ALCAM: variants seen among roughly 807,000 people sequenced by gnomAD.
The protein encoded by ALCAM is CD166 antigen.
A neutral mutation model predicts 70.9 loss-of-function variants in ALCAM; 30 were observed. That is an observed-to-expected ratio of 0.42 (90% CI 0.32 to 0.57). The LOEUF (loss-of-function observed/expected upper bound fraction) is 0.57, where lower values mean the gene tolerates loss of function less well. Among genes scored for constraint, ALCAM ranks in the 20% least tolerant of loss-of-function variants. The pLI, the probability that ALCAM is intolerant of heterozygous loss-of-function variation, is 0.11. For synonymous variants in ALCAM, 249 were observed against 242.5 expected (o/e 1.03, Z -0.25); for missense variants, 591 against 695.1 (o/e 0.85, Z 1.68).
chr3:105,463,359 CA>C (rs1937631075), intron 1 of ALCAM, among the ~76,000 whole-genome samples: 2 of 151,390 alleles, frequency 1.3e-5, no homozygotes, highest in Admixed American at 6.6e-5. Flanking sequence ...TTTATCTTCG[CA>C]AATGTATTTC....
chr3:105,459,313 G>A (rs2152596425), intron 1 of ALCAM, among the ~76,000 whole-genome samples: 1 of 152,048 alleles, frequency 6.6e-6, no homozygotes, highest in Non-Finnish European at 1.5e-5. Flanking sequence ...CTTTGTTTTG[G>A]TGCTCAAATA....
chr3:105,412,929 C>T (rs1936424838), intron 1 of ALCAM, among the ~76,000 whole-genome samples: 1 of 151,906 alleles, frequency 6.6e-6, no homozygotes, highest in African/African-American at 2.4e-5. Context: ...AACATTGTGC[C>T]GATAAATCAC....
intron 1 of ALCAM, among the ~76,000 whole-genome samples, chr3:105,419,801 TC>T (rs1936598792): frequency 6.6e-6 from 1 of 151,862 alleles, no homozygotes; most frequent in Non-Finnish European, 1.5e-5. Flanking sequence ...AAATTAAATT[TC>T]CCTGGAGAAT....
At chr3:105,569,325 GAA>G (rs1263805395) in intron 14 of ALCAM, among the ~76,000 whole-genome samples, 2 of 152,062 alleles carry the variant, frequency 1.3e-5, no homozygotes, top group African/African-American at 2.4e-5. Flanking sequence ...AGAGAGGAGA[GAA>G]GAGATTTTGG....
chr3:105,374,971 A>G (rs1935341028), intron 1 of ALCAM, among the ~76,000 whole-genome samples: 1 of 152,170 alleles, frequency 6.6e-6, no homozygotes, highest in Non-Finnish European at 1.5e-5. Flanking sequence ...AGATGGGAAA[A>G]TGTTTGGTAA....
intron 1 of ALCAM, among the ~76,000 whole-genome samples, chr3:105,428,041 A>G (rs1423779779): frequency 2.6e-5 from 4 of 151,992 alleles, no homozygotes; most frequent in Non-Finnish European, 4.4e-5. Flanking sequence ...TTATTTTTTA[A>G]TTATTCATTT....
chr3:105,485,375 T>TTGTG (rs10575049), intron 1 of ALCAM, among the ~76,000 whole-genome samples: 8 of 149,704 alleles, frequency 5.3e-5, no homozygotes, highest in South Asian at 2.1e-4. Context: ...CAGAACTACA[T>TTGTG]TGTGTGTGTG....
intron 1 of ALCAM, among the ~76,000 whole-genome samples, chr3:105,496,962 G>T (rs1018655025): frequency 6.6e-6 from 1 of 151,708 alleles, no homozygotes; most frequent in African/African-American, 2.4e-5. Context: ...TTAAATGGAC[G>T]TTTCCATCTC....
chr3:105,419,987 G>T (rs764306275), intron 1 of ALCAM, among the ~76,000 whole-genome samples: 18 of 151,554 alleles, frequency 1.2e-4, no homozygotes, highest in Non-Finnish European at 2.5e-4. Flanking sequence ...ATGGAAGACG[G>T]GTGAGTCAGA....
At chr3:105,392,411 G>A (rs1020790238) in intron 1 of ALCAM, among the ~76,000 whole-genome samples, 2 of 151,490 alleles carry the variant, frequency 1.3e-5, no homozygotes, top group Non-Finnish European at 2.9e-5. Flanking sequence ...TGGGTTCAGT[G>A]GTGATATCTC....
At chr3:105,571,813 A>G (rs889275418) in intron 14 of ALCAM, 39 bp from the exon 15 acceptor site, 4 of 1,357,992 alleles carry the variant, frequency 2.9e-6, no homozygotes, top group Non-Finnish European at 4.1e-6. Context: ...TTGAACATGT[A>G]TGTGTCAATA....
In ALCAM at chr3:105,473,004, A is replaced by G. The variant is rs1314896095; in HGVS notation, c.74-47063A>G. ...TTTAATAACTATTCTCTTTTAATAC[A>G]AAAATATATACTGCAAGACTCACAT... On this transcript the variant is annotated intron_variant, in intron 1 of 15. Transcript: ENST00000306107. Among the ~76,000 whole-genome samples, 79 of 151,598 alleles carry G rather than the reference A, an allele frequency of 5.2e-4. 1 individual carries two copies. The highest frequency in any genetic ancestry group is 3.9e-4 in the East Asian group (2 of 5,152).
intron 1 of ALCAM, among the ~76,000 whole-genome samples, chr3:105,397,934 G>T (rs540751641): frequency 6.6e-6 from 1 of 152,020 alleles, no homozygotes; most frequent in East Asian, 1.9e-4. Context: ...GACTACCATG[G>T]GTTAGCTACT....
intron 1 of ALCAM, among the ~76,000 whole-genome samples, chr3:105,420,639 G>T (rs1246382114): frequency 6.6e-6 from 1 of 151,660 alleles, no homozygotes; most frequent in Non-Finnish European, 1.5e-5. Context: ...GGTCCAGTCA[G>T]TTCAGCCACC....
rs146613046 is a variant in ALCAM at position 105,519,568 on chromosome 3, A to G, written c.74-499A>G. Among the ~76,000 whole-genome samples the G allele has an allele frequency of 4.4e-3, 666 of 152,234 alleles. 5 individuals are homozygous for G. The highest frequency in any genetic ancestry group is 0.015 in the African/African-American group (628 of 41,574). On this transcript the variant is annotated intron_variant, in intron 1 of 15. Transcript: ENST00000306107. ...ATTCAGTTGTGGTCTTATGTGTATT[A>G]ATTCTCAGTTTTTAATAGTTTTTTG... is the stretch of plus-strand genomic sequence containing the variant.
chr3:105,534,593 G>A, intron 5 of ALCAM, 70 bp from the exon 6 acceptor site: 9 of 1,430,166 alleles, frequency 6.3e-6, no homozygotes, highest in African/African-American at 1.4e-5. Context: ...CAAAGGTGTG[G>A]TGCTGTTTCG....
chr3:105,481,229 C>T (rs1938262029), intron 1 of ALCAM, among the ~76,000 whole-genome samples: 1 of 151,942 alleles, frequency 6.6e-6, no homozygotes, highest in South Asian at 2.1e-4. Context: ...AGATTTGGCT[C>T]CTATATAAGA....
chr3:105,545,608 G>A (rs974894014), intron 9 of ALCAM, among the ~76,000 whole-genome samples: 30 of 151,560 alleles, frequency 2.0e-4, no homozygotes, highest in African/African-American at 6.8e-4. Context: ...ACACGCATGT[G>A]TGCACATACA....
At chr3:105,558,298 G>T (rs1369758229) in intron 14 of ALCAM, among the ~76,000 whole-genome samples, 1 of 152,084 alleles carries the variant, frequency 6.6e-6, no homozygotes, top group Non-Finnish European at 1.5e-5. Context: ...TTTTCAATTT[G>T]TTATACAAAC....
Sources: allele counts gnomAD v4.1 joint callset (sites outside exome capture counted in the v4.1 genomes callset), GRCh38; gene constraint gnomAD v4.1.1; transcripts MANE v1.5; gene names NCBI Gene and HGNC (gene_info 2026-07-23, HGNC 2026-07-21).